The following BCOR variants were observed in gnomAD, a reference collection of about 807,000 sequenced individuals.
BCOR encodes the protein BCL6 corepressor.
BCOR carries 10 observed loss-of-function variants against 86.7 expected under a neutral mutation model. The ratio of observed to expected loss-of-function variants is 0.12; its 90% CI spans 0.07 to 0.20. The LOEUF (loss-of-function observed/expected upper bound fraction) is 0.20. BCOR is among the 10% of genes least tolerant of loss of function. The probability of loss-of-function intolerance (pLI) is 1.00; values close to 1 mark genes in which losing one functional copy is unlikely to be tolerated. For missense variants in BCOR, 1,259 were observed against 1,452.1 expected, an observed-to-expected ratio of 0.87 and a Z score of 2.16; for synonymous variants, 611 against 609.0, an observed-to-expected ratio of 1.00 and a Z score of -0.05.
chrX:40,073,773 T>C lies in BCOR; in HGVS notation c.1573A>G (p.Met525Val), dbSNP rs745377026. Reference sequence around the variant, plus strand: ...TCCAATGCCTTGTTTTTCAGCGACATGCTTTTGCCATTGTTCTCTTCGTTA... The same window carrying C: ...TCCAATGCCTTGTTTTTCAGCGACACGCTTTTGCCATTGTTCTCTTCGTTA... ...SPNEENNGKS[M>V]SLKNKALDWA... Residue 525 changes from methionine to valine, a missense_variant, in exon 4 of 15, where the codon ATG becomes GTG. By Grantham distance (21) the Met-to-Val change is conservative (BLOSUM62 1). This residue lies in a region of BCOR where 534 missense variants were observed against 594.8 expected (regional missense o/e 0.90). Transcript: ENST00000378444. 8.2e-7 allele frequency: 1 copy of C among 1,212,724 alleles called. No homozygotes were observed. The highest frequency in any genetic ancestry group is 3.0e-5 in the East Asian group (1 of 33,879).
intron 1 of BCOR, among the ~76,000 whole-genome samples, chrX:40,109,198 G>A (rs943595873): frequency 8.9e-6 from 1 of 112,172 alleles, no homozygotes; most frequent in Non-Finnish European, 1.9e-5. Context: ...TCCCGGGTGC[G>A]CCCGGGAACC....
chrX:40,062,038 G>A, intron 10 of BCOR, 101 bp downstream of exon 10: 2 of 1,040,408 alleles, frequency 1.9e-6, no homozygotes, highest in Non-Finnish European at 2.6e-6. Flanking sequence ...CCGATGTGGA[G>A]GGGGCTGAGC....
intron 1 of BCOR, among the ~76,000 whole-genome samples, chrX:40,176,724 C>T (rs1425837094): frequency 1.8e-5 from 2 of 111,672 alleles, no homozygotes; most frequent in Non-Finnish European, 3.8e-5. Flanking sequence ...CTCCCAGCGC[C>T]CAGAGTCAGC....
chrX:40,109,796 G>A (rs1490616229), intron 1 of BCOR, among the ~76,000 whole-genome samples: 1 of 112,943 alleles, frequency 8.9e-6, no homozygotes, highest in Non-Finnish European at 1.9e-5. Flanking sequence ...GGAGGGCTGC[G>A]AGCTCGGCCT....
At chrX:40,099,586 A>C (rs1270130653), upstream of BCOR, among the ~76,000 whole-genome samples, 1 of 112,269 alleles carries the variant, frequency 8.9e-6, no homozygotes, top group African/African-American at 3.2e-5. Flanking sequence ...AAAAATAATC[A>C]AAAGCATCTC....
At chrX:40,066,026 G>C (rs1029440593) in intron 6 of BCOR, among the ~76,000 whole-genome samples, 1 of 110,838 alleles carries the variant, frequency 9.0e-6, no homozygotes, top group Admixed American at 9.6e-5. Context: ...CTCTTCAAGG[G>C]TGTTCTAAGG....
At chrX:40,161,314 C>G (rs1313026237) in intron 1 of BCOR, among the ~76,000 whole-genome samples, 1 of 108,772 alleles carries the variant, frequency 9.2e-6, no homozygotes, top group Non-Finnish European at 1.9e-5. Flanking sequence ...TCAAGCGATT[C>G]TCCTGCCTCA....
At chrX:40,124,745 G>C (rs1302955894) in intron 1 of BCOR, among the ~76,000 whole-genome samples, 1 of 109,736 alleles carries the variant, frequency 9.1e-6, no homozygotes, top group Non-Finnish European at 1.9e-5. Context: ...TGGGACTACA[G>C]GCACACACCA....
intron 1 of BCOR, among the ~76,000 whole-genome samples, chrX:40,168,015 C>G (rs1938538849): frequency 8.9e-6 from 1 of 112,526 alleles, no homozygotes; most frequent in Non-Finnish European, 1.9e-5. Context: ...CTCCCTTTCC[C>G]CTCCCCCACC....
At chrX:40,146,274 TC>T (rs1213175008) in intron 1 of BCOR, among the ~76,000 whole-genome samples, 4 of 110,662 alleles carry the variant, frequency 3.6e-5, no homozygotes. Context: ...GCCCGGTGCC[TC>T]CCCCCACGGC....
Position 40,064,533 on chromosome X carries a change from A to G in BCOR, c.3305T>C (p.Val1102Ala), listed in dbSNP as rs111622737. 3.7e-5 allele frequency: 45 copies of G among 1,210,388 alleles called. No individual in the cohort carries two copies. The African/African-American group carries it at 7.5e-4, about 20-fold the overall frequency. The change falls in exon 7 of 15, where the codon GTG becomes GCG. Residue 1102 changes from valine to alanine, a missense_variant. Transcript: ENST00000378444. ...CTGCCTCTCCACAAAGTACTTCTCC[A>G]CAGGAAGATCTTTGTCCTCTGGGGC... ...FEAPEDKDLPVEKYFVERQPV... is the reference protein window; with the variant it reads ...FEAPEDKDLPAEKYFVERQPV...
intron 6 of BCOR, among the ~76,000 whole-genome samples, chrX:40,068,963 C>T (rs2147141964): frequency 8.9e-6 from 1 of 112,711 alleles, no homozygotes; most frequent in Non-Finnish European, 1.9e-5. Flanking sequence ...GGAGAGGCTT[C>T]GGGGAGGCAT....
At chrX:40,113,406 CAAAA>C (rs60280150) in intron 1 of BCOR, among the ~76,000 whole-genome samples, 40 of 79,895 alleles carry the variant, frequency 5.0e-4, no homozygotes, top group African/African-American at 1.8e-3. Context: ...GACCATGTCT[CAAAA>C]AAAAAAAAAA....
At position 40,051,397 on chromosome X, in the gene BCOR, TC is replaced by T; in HGVS notation, c.*711del. On this transcript the variant is annotated 3_prime_UTR_variant, in exon 15 of 15. Coordinates refer to ENST00000378444, the MANE Select transcript of BCOR (RefSeq NM_001123385.2). ...AGAAAATTTTAGTTTTATGTACATT[TC>T]CAAGCAACCTCAACATATTATGTTA... is the stretch of plus-strand genomic sequence containing the variant. 1 of 170,320 alleles carries T rather than the reference TC, an allele frequency of 5.9e-6. No homozygotes were observed. 14.0% of individuals were successfully genotyped at this position (170,320 alleles called of 1,213,427 possible). A position where few individuals can be genotyped will look rare whatever the true frequency, so the allele number is the denominator to read the frequency against.
chrX:40,064,079 AATC>A (rs1410455138), intron 7 of BCOR, 127 bp from the exon 8 acceptor site: 1 of 638,703 alleles, frequency 1.6e-6, no homozygotes, highest in Non-Finnish European at 2.3e-6. Flanking sequence ...GAAGGGGCCT[AATC>A]ATCTTTGGCC....
chrX:40,065,861 C>G (rs927323867), intron 6 of BCOR, among the ~76,000 whole-genome samples: 3 of 109,403 alleles, frequency 2.7e-5, no homozygotes, highest in Non-Finnish European at 5.7e-5. Flanking sequence ...CTCTCCCCAA[C>G]CCACTTCAAA....
At chrX:40,072,116 A>G in intron 4 of BCOR, 1 of 438,770 alleles carries the variant, frequency 2.3e-6, no homozygotes. Flanking sequence ...ATCGGTTATC[A>G]GCAATTGAGT....
At chrX:40,082,157 G>C (rs1245664268) in intron 1 of BCOR, among the ~76,000 whole-genome samples, 3 of 111,888 alleles carry the variant, frequency 2.7e-5, no homozygotes, top group African/African-American at 9.8e-5. Context: ...TCCCTGAGTA[G>C]GGACACACCC....
At chrX:40,114,064 C>T in intron 1 of BCOR, among the ~76,000 whole-genome samples, 1 of 111,901 alleles carries the variant, frequency 8.9e-6, no homozygotes, top group African/African-American at 3.2e-5. Flanking sequence ...GGTGATCTGC[C>T]CACCTCAGCC....
Sources: gnomAD v4.1 joint callset for allele counts (sites outside exome capture counted in the v4.1 genomes callset) on GRCh38, gnomAD v4.1.1 for gene constraint, gnomAD v4.1.1 regional missense constraint, MANE v1.5 for transcripts, NCBI Gene and HGNC (gene_info 2026-07-23, HGNC 2026-07-21) for gene names.